HMBOX1: variants seen among roughly 807,000 people sequenced by gnomAD.
HMBOX1 encodes the protein homeobox containing 1.
A neutral mutation model predicts 54.5 loss-of-function variants in HMBOX1; 14 were observed. The ratio of observed to expected loss-of-function variants is 0.26; its 90% CI spans 0.17 to 0.40. The LOEUF (loss-of-function observed/expected upper bound fraction) is 0.40. Among genes scored for constraint, HMBOX1 ranks in the 10% least tolerant of loss-of-function variants. The probability of loss-of-function intolerance (pLI) is 1.00; values close to 1 mark genes in which losing one functional copy is unlikely to be tolerated. For synonymous variants in HMBOX1, 160 were observed against 181.0 expected (o/e 0.88, Z 0.93); for missense variants, 332 against 514.4 (o/e 0.65, Z 3.43).
chr8:29,031,671 A>G (rs1802987380), intron 6 of HMBOX1, among the ~76,000 whole-genome samples: 1 of 152,156 alleles, frequency 6.6e-6, no homozygotes, highest in Non-Finnish European at 1.5e-5. Flanking sequence ...TTTAATAACC[A>G]TACCTATCTA....
chr8:29,017,001 A>G (rs28674888), intron 5 of HMBOX1, among the ~76,000 whole-genome samples: 2,970 of 152,304 alleles, frequency 0.02, 96 homozygotes, highest in African/African-American at 0.068. Context: ...GTTGATGTCC[A>G]CATTCCTGTG....
At chr8:28,977,611 C>A (rs1828620556) in intron 3 of HMBOX1, among the ~76,000 whole-genome samples, 1 of 152,078 alleles carries the variant, frequency 6.6e-6, no homozygotes, top group African/African-American at 2.4e-5. Flanking sequence ...TTCATATACA[C>A]AATTTTTAAA....
At chr8:28,943,039 A>G (rs1821735240) in intron 1 of HMBOX1, among the ~76,000 whole-genome samples, 1 of 152,158 alleles carries the variant, frequency 6.6e-6, no homozygotes, top group Non-Finnish European at 1.5e-5. Flanking sequence ...CTTCTTCACC[A>G]TCTGATTTTA....
At chr8:28,902,400 A>T (rs1050042211) in intron 1 of HMBOX1, among the ~76,000 whole-genome samples, 1 of 152,156 alleles carries the variant, frequency 6.6e-6, no homozygotes, top group African/African-American at 2.4e-5. Context: ...AATGAGTTAG[A>T]TGTAGGCCTA....
At chr8:28,908,786 TAGA>T (rs1354091361) in intron 1 of HMBOX1, among the ~76,000 whole-genome samples, 1 of 151,916 alleles carries the variant, frequency 6.6e-6, no homozygotes, top group African/African-American at 2.4e-5. Flanking sequence ...CTGGGTTATA[TAGA>T]AGGACTTAAA....
chr8:28,917,763 A>C lies in HMBOX1; in HGVS notation c.-58+27085A>C, dbSNP rs969282346. On this transcript the variant is annotated intron_variant, in intron 1 of 9. Transcript: ENST00000287701. The stretch of plus-strand genomic sequence containing the variant: ...TTGGTCATGAATAAGATATTATATT[A>C]ACTTTTATCAAGTGCTTTTTCTTCA... 2.0e-5 allele frequency among the ~76,000 whole-genome samples: 3 copies of C among 152,222 alleles called. No homozygotes were observed. The East Asian group carries it at 5.8e-4, about 29-fold the overall frequency.
intron 4 of HMBOX1, among the ~76,000 whole-genome samples, chr8:28,990,086 ATT>A (rs904797207): frequency 6.6e-6 from 1 of 151,908 alleles, no homozygotes; most frequent in Non-Finnish European, 1.5e-5. Context: ...GCTTTAAAAC[ATT>A]TTTTTTGTTT....
intron 1 of HMBOX1, among the ~76,000 whole-genome samples, chr8:28,954,528 A>G (rs1242477344): frequency 6.6e-6 from 1 of 152,140 alleles, no homozygotes; most frequent in African/African-American, 2.4e-5. Flanking sequence ...TGTGTGTACC[A>G]TTATTGAGTG....
chr8:28,935,709 C>G (rs998572089), intron 1 of HMBOX1, among the ~76,000 whole-genome samples: 1 of 151,992 alleles, frequency 6.6e-6, no homozygotes, highest in African/African-American at 2.4e-5. Context: ...TTATAAACTT[C>G]TAAAGACATG....
intron 1 of HMBOX1, among the ~76,000 whole-genome samples, chr8:28,912,331 T>G (rs1815608827): frequency 6.6e-6 from 1 of 152,164 alleles, no homozygotes; most frequent in Non-Finnish European, 1.5e-5. Context: ...TACTCCATCT[T>G]ATTAGTATTG....
intron 8 of HMBOX1, 55 bp from the exon 9 acceptor site, chr8:29,048,899 C>T: frequency 8.6e-7 from 1 of 1,160,498 alleles, no homozygotes; most frequent in South Asian, 1.4e-5. Context: ...TTCAGTGTTT[C>T]AGCCATTGTG....
chr8:29,051,245 T>TAAC lies in HMBOX1; in HGVS notation c.*91_*93dup. 7.1e-7 allele frequency: 1 copy of TAAC among 1,415,274 alleles called. No individual in the cohort carries two copies. Among genetic ancestry groups the TAAC allele is most frequent in the Non-Finnish European group, 9.7e-7 (1 of 1,030,218 alleles). The allele number at this position is 1,415,274 out of a possible 1,614,324, so 87.7% of individuals were successfully genotyped here. On this transcript the variant is annotated 3_prime_UTR_variant, in exon 10 of 10. Coordinates refer to ENST00000287701, the MANE Select transcript of HMBOX1 (RefSeq NM_001135726.3). ...GTCCTTAACATGTGTTCTTACAGTA[T>TAAC]AACTTGCAGTTTCTTGTATGTCAGG...
intron 5 of HMBOX1, among the ~76,000 whole-genome samples, chr8:29,014,742 C>T (rs1415553113): frequency 2.0e-5 from 3 of 152,090 alleles, no homozygotes; most frequent in Admixed American, 6.5e-5. Flanking sequence ...TGCAGTGGCA[C>T]GATCTTGGCT....
intron 1 of HMBOX1, among the ~76,000 whole-genome samples, chr8:28,950,679 A>G (rs1390097732): frequency 1.3e-5 from 2 of 152,228 alleles, no homozygotes; most frequent in Non-Finnish European, 1.5e-5. Flanking sequence ...GGTTGGAGTC[A>G]GTACGTTAGA....
chr8:28,937,729 A>G (rs1035966823), intron 1 of HMBOX1, among the ~76,000 whole-genome samples: 2 of 152,256 alleles, frequency 1.3e-5, no homozygotes, highest in Admixed American at 1.3e-4. Flanking sequence ...GGCCAAGAAC[A>G]GCATAGACCT....
At chr8:28,982,612 G>T (rs1453242578) in intron 4 of HMBOX1, among the ~76,000 whole-genome samples, 1 of 151,558 alleles carries the variant, frequency 6.6e-6, no homozygotes, top group Non-Finnish European at 1.5e-5. Flanking sequence ...ACCACACCCG[G>T]CTAATATTTA....
At chr8:28,920,455 T>G (rs538620172) in intron 1 of HMBOX1, among the ~76,000 whole-genome samples, 1 of 152,352 alleles carries the variant, frequency 6.6e-6, no homozygotes, top group African/African-American at 2.4e-5. Flanking sequence ...GTTGCCATAA[T>G]GGAAAAGATG....
intron 1 of HMBOX1, among the ~76,000 whole-genome samples, chr8:28,892,626 T>G (rs1811239234): frequency 6.6e-6 from 1 of 152,210 alleles, no homozygotes; most frequent in South Asian, 2.1e-4. Flanking sequence ...GAGTGTGTAA[T>G]TTTATGATAT....
intron 6 of HMBOX1, among the ~76,000 whole-genome samples, chr8:29,032,828 C>A (rs1803214898): frequency 6.6e-6 from 1 of 152,156 alleles, no homozygotes; most frequent in Non-Finnish European, 1.5e-5. Flanking sequence ...CCTCTTTCCC[C>A]CACCGTACAT....
Sources: gnomAD v4.1 joint callset for allele counts (sites outside exome capture counted in the v4.1 genomes callset) on GRCh38, gnomAD v4.1.1 for gene constraint, MANE v1.5 for transcripts, NCBI Gene and HGNC (gene_info 2026-07-23, HGNC 2026-07-21) for gene names.